Variants in LRMDA observed in about 807,000 individuals in gnomAD.
LRMDA encodes the protein leucine-rich melanocyte differentiation-associated protein.
A neutral mutation model predicts 29.8 loss-of-function variants in LRMDA; 18 were observed. The observed-to-expected ratio is 0.60, with a 90% CI of 0.42 to 0.90. LRMDA has a LOEUF of 0.90. Among genes scored for constraint, LRMDA ranks in the 40% least tolerant of loss-of-function variants. The probability of loss-of-function intolerance (pLI) is 0.00; values close to 1 mark genes in which losing one functional copy is unlikely to be tolerated. For missense variants in LRMDA, 273 were observed against 273.9 expected (o/e 1.00, Z 0.02); for synonymous variants, 125 against 109.4 (o/e 1.14, Z -0.89).
intron 2 of LRMDA, among the ~76,000 whole-genome samples, chr10:76,013,528 C>T (rs1284559176): frequency 6.6e-6 from 1 of 152,080 alleles, no homozygotes; most frequent in Non-Finnish European, 1.5e-5. Context: ...TGTGGGTATA[C>T]AAAGAAAGTG....
At chr10:76,017,626 G>A (rs780681385) in intron 2 of LRMDA, among the ~76,000 whole-genome samples, 2 of 152,174 alleles carry the variant, frequency 1.3e-5, no homozygotes, top group Non-Finnish European at 2.9e-5. Flanking sequence ...AGGTGTCTGT[G>A]TGGGAAGGTA....
intron 2 of LRMDA, among the ~76,000 whole-genome samples, chr10:75,637,274 C>A (rs1841400600): frequency 6.6e-6 from 1 of 152,176 alleles, no homozygotes; most frequent in Non-Finnish European, 1.5e-5. Flanking sequence ...CAGGTCTGTG[C>A]CTTGTCCATT....
intron 2 of LRMDA, among the ~76,000 whole-genome samples, chr10:75,620,872 C>T (rs939931443): frequency 2.0e-5 from 3 of 152,064 alleles, no homozygotes; most frequent in African/African-American, 4.8e-5. Context: ...TTTTGGCCAA[C>T]AGGTGGTGTT....
intron 5 of LRMDA, among the ~76,000 whole-genome samples, chr10:76,163,632 C>T (rs74150529): frequency 0.026 from 3,924 of 152,014 alleles, 154 homozygotes; most frequent in African/African-American, 0.082. Context: ...TAAGGAATTA[C>T]GGTGGTATAA....
At chr10:75,675,251 G>C (rs1430050259) in intron 2 of LRMDA, among the ~76,000 whole-genome samples, 1 of 152,212 alleles carries the variant, frequency 6.6e-6, no homozygotes, top group African/African-American at 2.4e-5. Flanking sequence ...GTGTGAGCAG[G>C]ATCTTAATTG....
At position 75,621,590 on chromosome 10, in the gene LRMDA, C is replaced by A. The variant is rs532063899; in HGVS notation, c.131+183096C>A. On this transcript the variant is annotated intron_variant, in intron 2 of 6. Coordinates refer to ENST00000611255, the MANE Select transcript of LRMDA (RefSeq NM_001305581.2). ...TGTGTCCCTTGGCAGTCACTGGGCACATACCAGAGAATTGCCGTCTCCTGG... is the reference window on the plus strand; with the variant it reads ...TGTGTCCCTTGGCAGTCACTGGGCAAATACCAGAGAATTGCCGTCTCCTGG... Among the ~76,000 whole-genome samples, 3 of 152,308 alleles carry A rather than the reference C, an allele frequency of 2.0e-5. No homozygotes were observed. The East Asian group carries it at 5.8e-4, about 29-fold the overall frequency.
At chr10:75,700,167 C>T (rs1275900917) in intron 2 of LRMDA, among the ~76,000 whole-genome samples, 1 of 151,472 alleles carries the variant, frequency 6.6e-6, no homozygotes, top group African/African-American at 2.4e-5. Context: ...CCATATGAAA[C>T]AAATACATAT....
At chr10:75,550,602 C>T (rs369660758) in intron 2 of LRMDA, among the ~76,000 whole-genome samples, 7 of 152,098 alleles carry the variant, frequency 4.6e-5, no homozygotes, top group Admixed American at 1.3e-4. Flanking sequence ...GCTTTCATAA[C>T]GAGTCTGATT....
intron 2 of LRMDA, among the ~76,000 whole-genome samples, chr10:75,469,655 G>A (rs1844702705): frequency 6.6e-6 from 1 of 152,144 alleles, no homozygotes; most frequent in Non-Finnish European, 1.5e-5. Context: ...CAGTGGAAGA[G>A]GATGGTAGCA....
chr10:76,047,399 A>T, intron 4 of LRMDA, 96 bp downstream of exon 4: 1 of 1,244,476 alleles, frequency 8.0e-7, no homozygotes, highest in South Asian at 1.8e-5. Flanking sequence ...GATGTTTGGT[A>T]CATATCAGTG....
At chr10:75,559,538 G>T (rs1479098440) in intron 2 of LRMDA, among the ~76,000 whole-genome samples, 7 of 150,412 alleles carry the variant, frequency 4.7e-5, no homozygotes, top group African/African-American at 1.2e-4. Context: ...TGAGTTTAAT[G>T]AGATCCCATT....
intron 6 of LRMDA, among the ~76,000 whole-genome samples, chr10:76,402,978 G>A (rs937026366): frequency 2.0e-5 from 3 of 151,980 alleles, no homozygotes; most frequent in East Asian, 3.9e-4. Flanking sequence ...GAACCTCAAG[G>A]ACTGTTGGAT....
intron 2 of LRMDA, among the ~76,000 whole-genome samples, chr10:75,776,743 G>A (rs1843317014): frequency 1.3e-5 from 2 of 152,208 alleles, no homozygotes; most frequent in South Asian, 4.1e-4. Flanking sequence ...AACCGCACCT[G>A]TTTAAACCTT....
chr10:76,449,211 A>T (rs1244904471), intron 6 of LRMDA, among the ~76,000 whole-genome samples: 1 of 151,858 alleles, frequency 6.6e-6, no homozygotes, highest in African/African-American at 2.4e-5. Context: ...ATGTTATTCA[A>T]AGATTTCATT....
At chr10:76,343,750 A>T (rs1841068871) in intron 6 of LRMDA, among the ~76,000 whole-genome samples, 1 of 152,014 alleles carries the variant, frequency 6.6e-6, no homozygotes, top group African/African-American at 2.4e-5. Flanking sequence ...GCAATTAGAT[A>T]TGAGAAGAGA....
chr10:75,471,213 CG>C (rs555206181), intron 2 of LRMDA, among the ~76,000 whole-genome samples: 2 of 149,242 alleles, frequency 1.3e-5, no homozygotes, highest in Admixed American at 6.7e-5. Flanking sequence ...TTTTTTCTGG[CG>C]GGGGGGTGGG....
At chr10:76,310,492 C>A (rs1236955512) in intron 5 of LRMDA, among the ~76,000 whole-genome samples, 2 of 152,066 alleles carry the variant, frequency 1.3e-5, no homozygotes, top group Non-Finnish European at 2.9e-5. Flanking sequence ...GTATTTTTTC[C>A]CTCCCATGCG....
chr10:76,487,346 C>T (rs1842792353), intron 6 of LRMDA, among the ~76,000 whole-genome samples: 1 of 151,544 alleles, frequency 6.6e-6, no homozygotes, highest in South Asian at 2.1e-4. Flanking sequence ...TGAAGTTGGG[C>T]CTAGGCAACA....
rs148986675 is a variant in LRMDA, at chr10:75,813,658, T to C, written c.132-222350T>C. ...AGAAAGTGATATTTGCCAGAAAATA[T>C]ACAATATATGTTTTGTTTAGGTTAT... On this transcript the variant is annotated intron_variant, in intron 2 of 6. Coordinates refer to ENST00000611255, the MANE Select transcript of LRMDA (RefSeq NM_001305581.2). 2.4e-3 allele frequency among the ~76,000 whole-genome samples: 361 copies of C among 152,322 alleles called. 2 individuals are homozygous for C. In the South Asian group the frequency reaches 0.028, roughly 12 times the overall value.
Sources: allele counts gnomAD v4.1 joint callset (sites outside exome capture counted in the v4.1 genomes callset), GRCh38; gene constraint gnomAD v4.1.1; transcripts MANE v1.5; gene names NCBI Gene and HGNC (gene_info 2026-07-23, HGNC 2026-07-21).